Variants in SLC35A3 observed in about 807,000 individuals in gnomAD.
SLC35A3 encodes the protein solute carrier family 35 member A3.
Under a neutral mutation model 39.0 loss-of-function variants are expected in SLC35A3, and 26 were observed. That is an observed-to-expected ratio of 0.67 (90% CI 0.49 to 0.92). The LOEUF is 0.92. SLC35A3 is among the 40% of genes least tolerant of loss of function. The probability of loss-of-function intolerance (pLI) is 0.00; values close to 1 mark genes in which losing one functional copy is unlikely to be tolerated. For synonymous variants in SLC35A3, 135 were observed against 133.1 expected (o/e 1.01, Z -0.10); for missense variants, 299 against 371.6 (o/e 0.80, Z 1.61).
At chr1:99,996,898 G>A (rs983363675) in intron 2 of SLC35A3, among the ~76,000 whole-genome samples, 1 of 151,786 alleles carries the variant, frequency 6.6e-6, no homozygotes, top group African/African-American at 2.4e-5. Context: ...CATAATCAAA[G>A]TCTTCCTATT....
intron 1 of SLC35A3, among the ~76,000 whole-genome samples, chr1:99,986,376 G>C (rs1657743223): frequency 6.6e-6 from 1 of 151,562 alleles, no homozygotes; most frequent in Non-Finnish European, 1.5e-5. Flanking sequence ...ACATTGCATA[G>C]GCTGGTCTCT....
chr1:100,003,475 C>G (rs573279848), intron 3 of SLC35A3, among the ~76,000 whole-genome samples: 1 of 147,668 alleles, frequency 6.8e-6, no homozygotes, highest in East Asian at 2.0e-4. Flanking sequence ...CTGTTTTGGT[C>G]TGAGAAGATA....
In SLC35A3 at chr1:99,997,410, T is replaced by TATA. The variant is rs1658469252; in HGVS notation, c.188-1851_188-1850insATA. Among the ~76,000 whole-genome samples, 138 of 92,078 alleles carry TATA rather than the reference T, an allele frequency of 1.5e-3. 6 individuals are homozygous for TATA. The highest frequency in any genetic ancestry group is 2.6e-3 in the African/African-American group (49 of 18,646). The allele number at this position is 92,078 out of a possible 152,430, so 60.4% of individuals were successfully genotyped here. A position where few individuals can be genotyped will look rare whatever the true frequency, so the allele number is the denominator to read the frequency against. ...ACAGTTATATGTTTTATATATAGTT[T>TATA]TATATATATATATATATATATATAT... On this transcript the variant is annotated intron_variant, in intron 2 of 7. Coordinates refer to ENST00000533028, the MANE Select transcript of SLC35A3 (RefSeq NM_012243.3).
chr1:99,999,207 A>G, intron 2 of SLC35A3, 54 bp from the exon 3 acceptor site: 4 of 1,172,090 alleles, frequency 3.4e-6, no homozygotes, highest in Non-Finnish European at 4.7e-6. Context: ...GAGAGCAGAT[A>G]TGTAACTTAT....
chr1:99,979,430 C>CTT (rs755564922), intron 1 of SLC35A3, among the ~76,000 whole-genome samples: 17 of 136,316 alleles, frequency 1.2e-4, no homozygotes, highest in Admixed American at 8.8e-4. Context: ...CCTTTTCTTT[C>CTT]TTTTTTTTTT....
In SLC35A3 at chr1:100,022,384, AGT is replaced by A. The variant is rs1660615254; in HGVS notation, c.889_890del (p.Val297LeufsTer18). The stretch of plus-strand genomic sequence containing the variant: ...TTTTTATTTTGTCTTCATCTTATTC[AGT>A]GTCTTTTTCCTTGGAGCCATCCTTG... On this transcript the variant is annotated splice_acceptor_variant and coding_sequence_variant, in exon 8 of 8. Transcript: ENST00000533028. LOFTEE classifies it high-confidence loss of function. 6.7e-7 allele frequency: 1 copy of A among 1,500,088 alleles called. No individual in the cohort carries two copies. Among genetic ancestry groups the A allele is most frequent in the Non-Finnish European group, 9.2e-7 (1 of 1,081,832 alleles). The allele number at this position is 1,500,088 out of a possible 1,614,324, so 92.9% of individuals were successfully genotyped here. A position where few individuals can be genotyped will look rare whatever the true frequency, so the allele number is the denominator to read the frequency against.
At chr1:99,991,306 G>A (rs924466045) in intron 1 of SLC35A3, among the ~76,000 whole-genome samples, 12 of 152,134 alleles carry the variant, frequency 7.9e-5, no homozygotes, top group Admixed American at 6.5e-4. Context: ...CACCATGCCC[G>A]GCTAATTTTT....
chr1:100,015,701 T>C (rs1660050185), intron 6 of SLC35A3: 3 of 350,634 alleles, frequency 8.6e-6, no homozygotes, highest in Non-Finnish European at 1.5e-5. Flanking sequence ...AATATAACTT[T>C]TGATTTTTAC....
chr1:100,026,200 C>T lies in SLC35A3; in HGVS notation c.*3724C>T, dbSNP rs2101530133. 6.6e-6 allele frequency: 1 copy of T among 152,182 alleles called. No homozygotes were observed. The highest frequency in any genetic ancestry group is 3.4e-3 in the Middle Eastern group (1 of 292). The allele number at this position is 152,182 out of a possible 1,614,324, so 9.4% of individuals were successfully genotyped here. A position where few individuals can be genotyped will look rare whatever the true frequency, so the allele number is the denominator to read the frequency against. On this transcript the variant is annotated 3_prime_UTR_variant, in exon 8 of 8. Coordinates refer to ENST00000533028, the MANE Select transcript of SLC35A3 (RefSeq NM_012243.3). ...AACTTTAAAAATTTCATTGTATAGT[C>T]ATTAAACTGAGTTGGGTTTTTTCTT... is the stretch of plus-strand genomic sequence containing the variant.
At chr1:100,000,581 T>G (rs1040599724) in intron 3 of SLC35A3, 1 of 152,164 alleles carries the variant, frequency 6.6e-6, no homozygotes, top group South Asian at 2.1e-4. Context: ...TCCATTATTC[T>G]ATTTTTGTTT....
chr1:100,033,288 C>G lies in SLC35A3; in HGVS notation c.*10812C>G, dbSNP rs1005131911. 7.8e-6 allele frequency: 1 copy of G among 129,020 alleles called. No homozygotes were observed. The highest frequency in any genetic ancestry group is 3.2e-5 in the African/African-American group (1 of 31,148). The allele number at this position is 129,020 out of a possible 1,614,324, so 8.0% of individuals were successfully genotyped here. On this transcript the variant is annotated 3_prime_UTR_variant, in exon 8 of 8. Coordinates refer to ENST00000533028, the MANE Select transcript of SLC35A3 (RefSeq NM_012243.3). ...TGGGCAACAGAGTGAGATCCTGTCT[C>G]TACAAAAAAAAAAAAAAAGATAAAT...
At chr1:99,972,065 A>AT (rs1252804569) in intron 1 of SLC35A3, among the ~76,000 whole-genome samples, 2 of 151,556 alleles carry the variant, frequency 1.3e-5, no homozygotes, top group Non-Finnish European at 1.5e-5. Context: ...CACCCAGCCA[A>AT]TTTTTTTGTA....
rs1050413380 is a variant in SLC35A3, at chr1:100,027,247, T to C, written c.*4771T>C. On this transcript the variant is annotated 3_prime_UTR_variant, in exon 8 of 8. Transcript: ENST00000533028. ...CAGAAGAATCGCTTGAGCCCATGAA[T>C]TTGAGGCCAGCCTGGGCAACATAGC... 2.5e-6 allele frequency: 1 copy of C among 398,558 alleles called. No homozygotes were observed. 24.7% of individuals were successfully genotyped at this position (398,558 alleles called of 1,614,324 possible). A position where few individuals can be genotyped will look rare whatever the true frequency, so the allele number is the denominator to read the frequency against.
chr1:99,996,987 A>G (rs1378399607), intron 2 of SLC35A3, among the ~76,000 whole-genome samples: 1 of 151,994 alleles, frequency 6.6e-6, no homozygotes, highest in Non-Finnish European at 1.5e-5. Context: ...GAATAATTCT[A>G]GGCTCCTTAG....
Position 100,029,180 on chromosome 1 carries a change from A to C in SLC35A3, c.*6704A>C, listed in dbSNP as rs887944021. 2.0e-5 allele frequency: 3 copies of C among 152,178 alleles called. No individual in the cohort carries two copies. 9.4% of individuals were successfully genotyped at this position (152,178 alleles called of 1,614,324 possible). ...CTGCCCCTCCCTGGAGATCTGGTTGACATCAAGACTTCAGGGCCTCACCAT... is the reference window on the plus strand; with the variant it reads ...CTGCCCCTCCCTGGAGATCTGGTTGCCATCAAGACTTCAGGGCCTCACCAT... On this transcript the variant is annotated 3_prime_UTR_variant, in exon 8 of 8. Transcript: ENST00000533028.
At position 100,011,106 on chromosome 1, in the gene SLC35A3, G is replaced by A. The variant is rs522696; in HGVS notation, c.466-259G>A. On this transcript the variant is annotated intron_variant, in intron 4 of 7. Coordinates refer to ENST00000533028, the MANE Select transcript of SLC35A3 (RefSeq NM_012243.3). ...AACTTTAAGGAATTATCTCAAGGTAGCATTGGTCTCTGTAATAGATGAAAT... is the reference window on the plus strand; with the variant it reads ...AACTTTAAGGAATTATCTCAAGGTAACATTGGTCTCTGTAATAGATGAAAT... 0.22 allele frequency among the ~76,000 whole-genome samples: 33,381 copies of A among 152,064 alleles called. 5,070 individuals carry two copies. The highest frequency in any genetic ancestry group is 0.43 in the African/African-American group (17,975 of 41,414).
rs1177191666 is a variant in SLC35A3, at chr1:100,025,863, T to C, written c.*3387T>C. 1.3e-5 allele frequency: 2 copies of C among 152,204 alleles called. No homozygotes were observed. Among genetic ancestry groups the C allele is most frequent in the African/African-American group, 4.8e-5 (2 of 41,448 alleles). 9.4% of individuals were successfully genotyped at this position (152,204 alleles called of 1,614,324 possible). On this transcript the variant is annotated 3_prime_UTR_variant, in exon 8 of 8. Coordinates refer to ENST00000533028, the MANE Select transcript of SLC35A3 (RefSeq NM_012243.3). ...AGAAGAGTGCCAATTGATAGTTCTT[T>C]TAGCAATTAAGAATATGGTATTTGG...
intron 2 of SLC35A3, among the ~76,000 whole-genome samples, chr1:99,997,228 A>G (rs1185989409): frequency 6.6e-6 from 1 of 151,622 alleles, no homozygotes; most frequent in Non-Finnish European, 1.5e-5. Flanking sequence ...ATTCTGTTCA[A>G]TGAGAACCAA....
intron 2 of SLC35A3, among the ~76,000 whole-genome samples, chr1:99,995,130 T>G (rs1379805292): frequency 1.4e-5 from 2 of 147,892 alleles, no homozygotes; most frequent in Non-Finnish European, 3.0e-5. Flanking sequence ...CTTTCTTTCT[T>G]TCTTTCTTTC....
Sources: allele counts gnomAD v4.1 joint callset (sites outside exome capture counted in the v4.1 genomes callset), GRCh38; gene constraint gnomAD v4.1.1; transcripts MANE v1.5; gene names NCBI Gene and HGNC (gene_info 2026-07-23, HGNC 2026-07-21).